SLC4A10: variants seen among roughly 807,000 people sequenced by gnomAD.
SLC4A10 encodes the protein sodium-driven chloride bicarbonate exchanger.
Under a neutral mutation model 137.7 loss-of-function variants are expected in SLC4A10, and 42 were observed. The observed-to-expected ratio is 0.30, with a 90% CI of 0.24 to 0.39. SLC4A10 has a LOEUF of 0.39. Ranked by LOEUF, SLC4A10 falls within the 10% of genes least tolerant of loss-of-function variation. The pLI, the probability that SLC4A10 is intolerant of heterozygous loss-of-function variation, is 1.00. For synonymous variants in SLC4A10, 474 were observed against 464.1 expected, an observed-to-expected ratio of 1.02 and a Z score of -0.27; for missense variants, 925 against 1,355.0, an observed-to-expected ratio of 0.68 and a Z score of 4.98.
rs115749105 is a variant in SLC4A10 at position 161,711,463 on chromosome 2, C to T, written c.49-59510C>T. On this transcript the variant is annotated intron_variant, in intron 1 of 26. Coordinates refer to ENST00000446997, the MANE Select transcript of SLC4A10 (RefSeq NM_001178015.2). ...GGATTTACCTCAGGTTCTGAGAAAG[C>T]GGATCAGGACCAACTAATTATGGAA... Among the ~76,000 whole-genome samples, 1,018 of 151,814 alleles carry T rather than the reference C, an allele frequency of 6.7e-3. 10 individuals are homozygous for T. Among genetic ancestry groups the T allele is most frequent in the Non-Finnish European group, 0.01 (686 of 67,830 alleles).
chr2:161,859,296 CTT>C (rs1553597581), intron 5 of SLC4A10, among the ~76,000 whole-genome samples: 6 of 142,592 alleles, frequency 4.2e-5, no homozygotes, highest in Non-Finnish European at 3.1e-5. Context: ...CTTTTCTTTT[CTT>C]TTTTTTTTTT....
intron 3 of SLC4A10, among the ~76,000 whole-genome samples, chr2:161,828,495 A>C (rs1366061935): frequency 6.7e-6 from 1 of 149,560 alleles, no homozygotes; most frequent in Non-Finnish European, 1.5e-5. Flanking sequence ...ATATATCTCT[A>C]TATATTTTAA....
intron 15 of SLC4A10, among the ~76,000 whole-genome samples, chr2:161,906,718 A>AT (rs902609395): frequency 2.0e-5 from 3 of 152,150 alleles, no homozygotes; most frequent in Non-Finnish European, 4.4e-5. Flanking sequence ...CCCTTTTAAT[A>AT]TTTTTTAATC....
intron 1 of SLC4A10, among the ~76,000 whole-genome samples, chr2:161,764,971 T>G (rs1181103174): frequency 6.6e-6 from 1 of 152,136 alleles, no homozygotes. Flanking sequence ...GTAAATGGAC[T>G]TAAGGTGTGA....
chr2:161,872,567 A>T (rs2061200384), intron 7 of SLC4A10, among the ~76,000 whole-genome samples, 183 bp downstream of exon 7: 1 of 152,194 alleles, frequency 6.6e-6, no homozygotes, highest in Admixed American at 6.5e-5. Flanking sequence ...CAAAAAAAAA[A>T]AAAAAAACTG....
chr2:161,636,606 G>A (rs956087462), intron 1 of SLC4A10, among the ~76,000 whole-genome samples: 24 of 151,956 alleles, frequency 1.6e-4, no homozygotes, highest in African/African-American at 5.1e-4. Context: ...CACCATGTTG[G>A]CCAGGCTGGT....
intron 6 of SLC4A10, among the ~76,000 whole-genome samples, chr2:161,866,303 C>G (rs1206098273): frequency 2.0e-5 from 3 of 151,994 alleles, no homozygotes; most frequent in African/African-American, 7.2e-5. Flanking sequence ...TTTCCTTGCT[C>G]TTCTCCTTCC....
chr2:161,897,122 A>T (rs1575525391), intron 11 of SLC4A10, among the ~76,000 whole-genome samples: 1 of 152,098 alleles, frequency 6.6e-6, no homozygotes, highest in African/African-American at 2.4e-5. Context: ...TGAATGTATG[A>T]TATAAAGATT....
At chr2:161,717,076 A>G (rs62189006) in intron 1 of SLC4A10, among the ~76,000 whole-genome samples, 12,400 of 152,156 alleles carry the variant, frequency 0.081, 562 homozygotes, top group East Asian at 0.14. Context: ...ATGGGAGTTC[A>G]TTCATGATTT....
intron 1 of SLC4A10, among the ~76,000 whole-genome samples, chr2:161,722,983 G>A (rs542249665): frequency 6.6e-6 from 1 of 152,188 alleles, no homozygotes; most frequent in Non-Finnish European, 1.5e-5. Flanking sequence ...CTGCACTGTA[G>A]GGAATTCCTC....
chr2:161,690,831 A>G (rs2041910376), intron 1 of SLC4A10, among the ~76,000 whole-genome samples: 1 of 151,872 alleles, frequency 6.6e-6, no homozygotes, highest in African/African-American at 2.4e-5. Flanking sequence ...AATAGCTAAT[A>G]CATGCTGGGC....
At chr2:161,704,837 A>G (rs1515184) in intron 1 of SLC4A10, among the ~76,000 whole-genome samples, 11,305 of 151,642 alleles carry the variant, frequency 0.075, 528 homozygotes, top group East Asian at 0.14. Flanking sequence ...TTACTTTTAA[A>G]TAATGTAGCA....
At position 161,956,976 on chromosome 2, in the gene SLC4A10, C is replaced by CT. The variant is rs1695783653; in HGVS notation, c.2542-7dup. 6.5e-7 allele frequency: 1 copy of CT among 1,545,402 alleles called. No individual in the cohort carries two copies. Among genetic ancestry groups the CT allele is most frequent in the Non-Finnish European group, 8.7e-7 (1 of 1,145,970 alleles). On this transcript the variant is annotated splice_polypyrimidine_tract_variant and intron_variant, in intron 19 of 26. Transcript: ENST00000446997. ...ACACAGTTTCTTTCTCTCTTTCTTT[C>CT]TTTTTTAAACAGAAAGGTTGTGGGT...
At chr2:161,843,385 C>T (rs1018253899) in intron 4 of SLC4A10, among the ~76,000 whole-genome samples, 5 of 152,054 alleles carry the variant, frequency 3.3e-5, no homozygotes, top group African/African-American at 1.2e-4. Flanking sequence ...AAAAGATAGT[C>T]CATTTAATTA....
At chr2:161,912,405 A>G (rs1007611966) in intron 15 of SLC4A10, among the ~76,000 whole-genome samples, 3 of 152,160 alleles carry the variant, frequency 2.0e-5, no homozygotes, top group African/African-American at 7.2e-5. Context: ...GGAGTTCACA[A>G]TCTTTGAAGT....
At chr2:161,977,815 G>A (rs1391249858) in intron 26 of SLC4A10, 55 bp downstream of exon 26, 4 of 1,509,866 alleles carry the variant, frequency 2.6e-6, no homozygotes, top group Non-Finnish European at 3.6e-6. Context: ...ATGTTAAATG[G>A]TGTCTTCTAG....
At chr2:161,730,356 G>A (rs1289585355) in intron 1 of SLC4A10, among the ~76,000 whole-genome samples, 1 of 152,082 alleles carries the variant, frequency 6.6e-6, no homozygotes, top group African/African-American at 2.4e-5. Context: ...AAATAATAGG[G>A]AGACAGATTT....
intron 1 of SLC4A10, among the ~76,000 whole-genome samples, chr2:161,699,034 A>T (rs1574427451): frequency 1.3e-5 from 2 of 151,736 alleles, no homozygotes; most frequent in African/African-American, 4.8e-5. Context: ...TTATTATTTT[A>T]TTTGAGATGG....
At chr2:161,943,270 TC>T (rs1226546756) in intron 16 of SLC4A10, among the ~76,000 whole-genome samples, 1 of 152,118 alleles carries the variant, frequency 6.6e-6, no homozygotes, top group Non-Finnish European at 1.5e-5. Context: ...CTCCAGCTGT[TC>T]CGGATCTGCT....
Sources: allele counts gnomAD v4.1 joint callset (sites outside exome capture counted in the v4.1 genomes callset), GRCh38; gene constraint gnomAD v4.1.1; transcripts MANE v1.5; gene names NCBI Gene and HGNC (gene_info 2026-07-23, HGNC 2026-07-21).